The following PDSS1 variants were observed in gnomAD, a reference collection of about 807,000 sequenced individuals.
The protein encoded by PDSS1 is decaprenyl diphosphate synthase subunit 1.
PDSS1 carries 43 observed loss-of-function variants against 57.5 expected under a neutral mutation model. The observed-to-expected ratio is 0.75, with a 90% CI of 0.59 to 0.96. PDSS1 has a LOEUF of 0.96. PDSS1 is among the 50% of genes least tolerant of loss of function. The pLI is 0.00. For missense variants in PDSS1, 438 were observed against 527.8 expected (o/e 0.83, Z 1.67); for synonymous variants, 175 against 191.3 (o/e 0.91, Z 0.70).
chr10:26,715,332 G>A (rs532626001), intron 5 of PDSS1: 2 of 152,112 alleles, frequency 1.3e-5, no homozygotes, highest in Non-Finnish European at 2.9e-5. Flanking sequence ...TGTGACCGTG[G>A]TGTGTGCACC....
chr10:26,708,488 G>A (rs1290820203), intron 4 of PDSS1, among the ~76,000 whole-genome samples: 1 of 152,166 alleles, frequency 6.6e-6, no homozygotes, highest in Non-Finnish European at 1.5e-5. Flanking sequence ...TTAATGTACA[G>A]CATTGTTCAC....
chr10:26,709,515 C>A (rs921992812), intron 4 of PDSS1, 123 bp from the exon 5 acceptor site: 4 of 928,372 alleles, frequency 4.3e-6, no homozygotes, highest in African/African-American at 3.3e-5. Flanking sequence ...GAGCTGAGAT[C>A]GTTCCATTGC....
At chr10:26,714,629 C>T (rs1835505127) in intron 5 of PDSS1, 1 of 152,234 alleles carries the variant, frequency 6.6e-6, no homozygotes, top group Non-Finnish European at 1.5e-5. Context: ...TTATCACTGG[C>T]ACCTGGATCT....
intron 5 of PDSS1, chr10:26,718,165 C>G (rs1835659552): frequency 6.6e-6 from 1 of 152,064 alleles, no homozygotes; most frequent in Non-Finnish European, 1.5e-5. Flanking sequence ...GCATCAGCCT[C>G]TCAAGTAGCT....
chr10:26,704,943 A>C (rs968168736), intron 3 of PDSS1, among the ~76,000 whole-genome samples: 1 of 152,114 alleles, frequency 6.6e-6, no homozygotes, highest in Non-Finnish European at 1.5e-5. Flanking sequence ...AAAATTATTA[A>C]TTATATTGCC....
At chr10:26,720,139 G>C in intron 5 of PDSS1, 79 bp from the exon 6 acceptor site, 2 of 1,600,440 alleles carry the variant, frequency 1.2e-6, no homozygotes, top group East Asian at 4.5e-5. Context: ...TCCTAGATCC[G>C]ATGTCCAGTT....
At chr10:26,739,942 A>G (rs919221383) in intron 10 of PDSS1, among the ~76,000 whole-genome samples, 2 of 152,126 alleles carry the variant, frequency 1.3e-5, no homozygotes, top group African/African-American at 2.4e-5. Context: ...TTAGGAGATC[A>G]AGACCATCCT....
At chr10:26,720,193 A>C in intron 5 of PDSS1, 25 bp from the exon 6 acceptor site, 1 of 1,612,274 alleles carries the variant, frequency 6.2e-7, no homozygotes, top group Non-Finnish European at 8.5e-7. Context: ...GCGTCTGTTA[A>C]AAAGCATTGC....
chr10:26,733,099 A>C (rs1054922238), intron 8 of PDSS1, among the ~76,000 whole-genome samples: 5 of 152,268 alleles, frequency 3.3e-5, no homozygotes, highest in Non-Finnish European at 5.9e-5. Flanking sequence ...AAAAAGAAAT[A>C]GATTTTTAGA....
At chr10:26,704,525 G>C (rs1835148492) in intron 2 of PDSS1, 152 bp from the exon 3 acceptor site, 1 of 576,398 alleles carries the variant, frequency 1.7e-6, no homozygotes, top group Non-Finnish European at 3.1e-6. Context: ...ATAACAAAAG[G>C]AAACTTTAAA....
Position 26,740,319 on chromosome 10 carries a change from C to T in PDSS1, c.1027-2178C>T, listed in dbSNP as rs568064532. Among the ~76,000 whole-genome samples, 204 of 152,140 alleles carry T rather than the reference C, an allele frequency of 1.3e-3. 2 individuals are homozygous for T. Among genetic ancestry groups the T allele is most frequent in the African/African-American group, 4.9e-3 (203 of 41,508 alleles). ...AACAAGTCTCATAACAAAACTAAAA[C>T]CTACTTGATTTGGCTTTTTTACCGT... On this transcript the variant is annotated intron_variant, in intron 10 of 11. Transcript: ENST00000376215.
At chr10:26,723,747 G>T in intron 6 of PDSS1, 59 bp from the exon 7 acceptor site, 1 of 1,152,650 alleles carries the variant, frequency 8.7e-7, no homozygotes. Flanking sequence ...TTTCATCATT[G>T]GCTCTACTGC....
chr10:26,704,715 C>A lies in PDSS1; in HGVS notation c.201C>A (p.Ala67=). 6.9e-7 allele frequency: 1 copy of A among 1,448,480 alleles called. No homozygotes were observed. The highest frequency in any genetic ancestry group is 9.7e-7 in the Non-Finnish European group (1 of 1,029,558). 89.7% of individuals were successfully genotyped at this position (1,448,480 alleles called of 1,614,324 possible). ...YINLVKHLTS[A]CPNVCRISRF... ...ATCTTGTGAAGCATTTAACATCTGC[C>A]TGTCCAAATGTATGTCGTATATCAC... Residue 67 remains alanine (A), a synonymous_variant, in exon 3 of 12, where the codon GCC becomes GCA. Transcript: ENST00000376215.
chr10:26,707,921 C>T (rs892041309), intron 4 of PDSS1, among the ~76,000 whole-genome samples: 11 of 152,218 alleles, frequency 7.2e-5, no homozygotes, highest in Non-Finnish European at 1.5e-4. Context: ...CTCTCCTTCC[C>T]CTCTATGTCC....
At chr10:26,706,096 A>G (rs997590236) in intron 4 of PDSS1, among the ~76,000 whole-genome samples, 3 of 152,038 alleles carry the variant, frequency 2.0e-5, no homozygotes, top group Non-Finnish European at 4.4e-5. Context: ...TTTCCTGAAA[A>G]CTTTCAGTAG....
chr10:26,741,310 C>A lies in PDSS1; in HGVS notation c.1027-1187C>A, dbSNP rs1370670604. Among the ~76,000 whole-genome samples, 3 of 152,200 alleles carry A rather than the reference C, an allele frequency of 2.0e-5. No homozygotes were observed. In the East Asian group the frequency reaches 5.8e-4, roughly 29 times the overall value. ...GACCAGCCTGGCCAATATGGCAAAA[C>A]CCTGTCTCTACTAACAGTACAAAAT... is the stretch of plus-strand genomic sequence containing the variant. On this transcript the variant is annotated intron_variant, in intron 10 of 11. Coordinates refer to ENST00000376215, the MANE Select transcript of PDSS1 (RefSeq NM_014317.5).
chr10:26,730,436 C>CTCTG (rs1449886685), intron 8 of PDSS1, among the ~76,000 whole-genome samples: 4 of 151,564 alleles, frequency 2.6e-5, no homozygotes, highest in African/African-American at 9.7e-5. Flanking sequence ...ATGGCGAAAC[C>CTCTG]TCTGTCTACA....
intron 1 of PDSS1, among the ~76,000 whole-genome samples, chr10:26,700,023 G>A (rs965670506): frequency 6.6e-5 from 10 of 152,172 alleles, no homozygotes; most frequent in African/African-American, 2.2e-4. Context: ...ATTAAGCCAC[G>A]TCTTGCTCTC....
At position 26,712,832 on chromosome 10, in the gene PDSS1, GTGAACCTGACAT is replaced by G. The variant is rs1470184866; in HGVS notation, c.467+3076_467+3087del. On this transcript the variant is annotated intron_variant, in intron 5 of 11. Transcript: ENST00000376215. ...CTCCAGCCTCAGTGGCCCCAGATCA[GTGAACCTGACAT>G]TGAACCTGACAGGCTTGCTTGTTGG... Among the ~76,000 whole-genome samples, 5 of 98,900 alleles carry G rather than the reference GTGAACCTGACAT, an allele frequency of 5.1e-5. 1 individual carries two copies. Among genetic ancestry groups the G allele is most frequent in the African/African-American group, 1.6e-4 (5 of 30,596 alleles). 64.9% of individuals were successfully genotyped at this position (98,900 alleles called of 152,430 possible).
Sources: allele counts gnomAD v4.1 joint callset (sites outside exome capture counted in the v4.1 genomes callset), GRCh38; gene constraint gnomAD v4.1.1; transcripts MANE v1.5; gene names NCBI Gene and HGNC (gene_info 2026-07-23, HGNC 2026-07-21).